NCF4: variants seen among roughly 807,000 people sequenced by gnomAD.
The protein encoded by NCF4 is neutrophil cytosolic factor 4, also known as neutrophil cytosol factor 4.
NCF4 carries 30 observed loss-of-function variants against 41.7 expected under a neutral mutation model. The ratio of observed to expected loss-of-function variants is 0.72; its 90% CI spans 0.54 to 0.97. The LOEUF (loss-of-function observed/expected upper bound fraction) is 0.97. NCF4 is among the 50% of genes least tolerant of loss of function. NCF4 has a pLI of 0.00. For missense variants in NCF4, 432 were observed against 460.9 expected (o/e 0.94, Z 0.57); for synonymous variants, 195 against 175.8 (o/e 1.11, Z -0.87).
At chr22:36,874,335 G>A (rs1269809015) in intron 7 of NCF4, among the ~76,000 whole-genome samples, 1 of 152,208 alleles carries the variant, frequency 6.6e-6, no homozygotes, top group Non-Finnish European at 1.5e-5. Context: ...GTTGAAGGAG[G>A]TTCTGGGACA....
At chr22:36,871,539 T>A (rs1014107681) in intron 5 of NCF4, 113 bp from the exon 6 acceptor site, 1 of 1,209,546 alleles carries the variant, frequency 8.3e-7, no homozygotes, top group African/African-American at 1.5e-5. Context: ...TTCAGCATCT[T>A]CTGTCTCCTC....
rs1029704330 is a variant in NCF4 at position 36,872,265 on chromosome 22, C to T, written c.529-62C>T. 5.5e-6 allele frequency: 7 copies of T among 1,266,460 alleles called. No homozygotes were observed. The Admixed American group carries it at 6.7e-5, about 12-fold the overall frequency. 78.5% of individuals were successfully genotyped at this position (1,266,460 alleles called of 1,614,324 possible). A position where few individuals can be genotyped will look rare whatever the true frequency, so the allele number is the denominator to read the frequency against. On this transcript the variant is annotated intron_variant, in intron 6 of 9. Transcript: ENST00000248899. ...AAATGGGAGACTAAAGTATGTAAGGCACTTCTATAGGAACTCAGTGAGTGT... is the reference window on the plus strand; with the variant it reads ...AAATGGGAGACTAAAGTATGTAAGGTACTTCTATAGGAACTCAGTGAGTGT...
intron 1 of NCF4, among the ~76,000 whole-genome samples, chr22:36,862,694 G>A (rs531229397): frequency 3.5e-4 from 54 of 152,358 alleles, no homozygotes; most frequent in African/African-American, 1.2e-3. Context: ...ATCTGAAAGC[G>A]AGCCTGGATT....
intron 3 of NCF4, among the ~76,000 whole-genome samples, chr22:36,866,796 A>G (rs1165395394): frequency 6.6e-6 from 1 of 152,146 alleles, no homozygotes; most frequent in Admixed American, 6.5e-5. Flanking sequence ...CCTCCAGAAC[A>G]TCTGCCTTGA....
Position 36,865,603 on chromosome 22 carries a change from C to T in NCF4, c.271+531C>T, listed in dbSNP as rs928527443. ...CCCCCTGGCCTCCTGGTCCTTCCTC[C>T]CCAGCTGGATCCTAACGCGCACCTT... On this transcript the variant is annotated intron_variant, in intron 3 of 9. Transcript: ENST00000248899. The surrounding 1 kb of genome is among the most constrained non-coding windows in gnomAD (Gnocchi z 4.3). 6.6e-6 allele frequency among the ~76,000 whole-genome samples: 1 copy of T among 152,092 alleles called. No homozygotes were observed. The highest frequency in any genetic ancestry group is 1.5e-5 in the Non-Finnish European group (1 of 68,002).
chr22:36,861,142 T>C lies in NCF4; in HGVS notation c.-30T>C. 1 of 1,551,352 alleles carries C rather than the reference T, an allele frequency of 6.4e-7. No individual in the cohort carries two copies. The highest frequency in any genetic ancestry group is 8.7e-7 in the Non-Finnish European group (1 of 1,146,804). ...GCCTGGGACTGGCTGGGCGAGACTC[T>C]CCACCTGCTCCCTGGGACCATCGCC... On this transcript the variant is annotated 5_prime_UTR_variant, in exon 1 of 10. Transcript: ENST00000248899.
intron 8 of NCF4, 27 bp downstream of exon 8, chr22:36,875,810 G>C: frequency 1.2e-6 from 2 of 1,614,110 alleles, no homozygotes; most frequent in Non-Finnish European, 1.7e-6. Context: ...GGAGGGGCCT[G>C]TCCAGCCTTC....
At position 36,865,116 on chromosome 22, in the gene NCF4, T is replaced by A; in HGVS notation, c.271+44T>A. 1.2e-6 allele frequency: 2 copies of A among 1,600,532 alleles called. No homozygotes were observed. Among genetic ancestry groups the A allele is most frequent in the Non-Finnish European group, 1.7e-6 (2 of 1,178,832 alleles). On this transcript the variant is annotated intron_variant, in intron 3 of 9. Transcript: ENST00000248899. This position sits in a 1 kb window ranked among gnomAD's most constrained non-coding sequence, Gnocchi z 4.3. ...CCTGCTGCTGCAGAGCTGCTGACTC[T>A]CCTTCCTTCCAGGGCCCCTGACACT...
In NCF4 at chr22:36,876,111, G is replaced by T. The variant is rs1250344858; in HGVS notation, c.824+17G>T. On this transcript the variant is annotated intron_variant, in intron 9 of 9. Coordinates refer to ENST00000248899, the MANE Select transcript of NCF4 (RefSeq NM_000631.5). ...GCTCACAAGGTGAGGGGCTGGGAAT[G>T]GGGCTGGGGAGTTAGATACTCTGGA... 1.3e-6 allele frequency: 2 copies of T among 1,594,000 alleles called. No homozygotes were observed. The highest frequency in any genetic ancestry group is 1.7e-6 in the Non-Finnish European group (2 of 1,168,434).
Position 36,862,266 on chromosome 22 carries a change from G to A in NCF4, c.32+1063G>A, listed in dbSNP as rs35114095. Among the ~76,000 whole-genome samples, 294 of 152,332 alleles carry A rather than the reference G, an allele frequency of 1.9e-3. 2 individuals carry two copies. The highest frequency in any genetic ancestry group is 3.6e-3 in the Non-Finnish European group (243 of 68,022). On this transcript the variant is annotated intron_variant, in intron 1 of 9. Coordinates refer to ENST00000248899, the MANE Select transcript of NCF4 (RefSeq NM_000631.5). ...CCTACGCGGGGAACAGAAGGCCCAT[G>A]TTGGGGCCTGGGGCTGGAAGTAGAA...
At chr22:36,875,982 C>A in intron 8 of NCF4, 47 bp from the exon 9 acceptor site, 1 of 1,613,972 alleles carries the variant, frequency 6.2e-7, no homozygotes. Flanking sequence ...ACCCCACACC[C>A]CACTTCCAGC....
At chr22:36,875,559 CT>C in intron 7 of NCF4, 93 bp from the exon 8 acceptor site, 1 of 1,202,666 alleles carries the variant, frequency 8.3e-7, no homozygotes. Context: ...CCTCATCTGC[CT>C]TTCCCCATCA....
intron 4 of NCF4, among the ~76,000 whole-genome samples, chr22:36,867,897 A>T (rs925176145): frequency 5.3e-5 from 8 of 152,236 alleles, no homozygotes; most frequent in African/African-American, 1.9e-4. Flanking sequence ...CAGGTTGCTC[A>T]TATAGCATCT....
chr22:36,872,283 G>A (rs1022394360), intron 6 of NCF4, 44 bp from the exon 7 acceptor site: 1 of 1,410,306 alleles, frequency 7.1e-7, no homozygotes, highest in Non-Finnish European at 1.0e-6. Flanking sequence ...TAGGAACTCA[G>A]TGAGTGTTCT....
rs372077923 is a variant in NCF4 at position 36,861,631 on chromosome 22, T to C, written c.32+428T>C. ...CAAATGTCACCTCCTCCAAGAAGCCTTCCTGACAGCCCCTACCTCATTGCT... is the reference window on the plus strand; with the variant it reads ...CAAATGTCACCTCCTCCAAGAAGCCCTCCTGACAGCCCCTACCTCATTGCT... On this transcript the variant is annotated intron_variant, in intron 1 of 9. Coordinates refer to ENST00000248899, the MANE Select transcript of NCF4 (RefSeq NM_000631.5). Among the ~76,000 whole-genome samples the C allele has an allele frequency of 9.8e-5, 15 of 152,362 alleles. No individual in the cohort carries two copies. The South Asian group carries it at 3.1e-3, about 32-fold the overall frequency.
At position 36,865,127 on chromosome 22, in the gene NCF4, A is replaced by T; in HGVS notation, c.271+55A>T. On this transcript the variant is annotated intron_variant, in intron 3 of 9. Transcript: ENST00000248899. The surrounding 1 kb of genome is among the most constrained non-coding windows in gnomAD (Gnocchi z 4.3). The stretch of plus-strand genomic sequence containing the variant: ...AGAGCTGCTGACTCTCCTTCCTTCC[A>T]GGGCCCCTGACACTGTTCTGTGATT... The T allele has an allele frequency of 1.9e-6, 3 of 1,594,462 alleles. No individual in the cohort carries two copies. Among genetic ancestry groups the T allele is most frequent in the Non-Finnish European group, 2.6e-6 (3 of 1,175,194 alleles).
chr22:36,865,099 T>A lies in NCF4; in HGVS notation c.271+27T>A. ...TAGGCGGCCACTCCCGTCCTGCTGCTGCAGAGCTGCTGACTCTCCTTCCTT... is the reference window on the plus strand; with the variant it reads ...TAGGCGGCCACTCCCGTCCTGCTGCAGCAGAGCTGCTGACTCTCCTTCCTT... On this transcript the variant is annotated intron_variant, in intron 3 of 9. Transcript: ENST00000248899. This position sits in a 1 kb window ranked among gnomAD's most constrained non-coding sequence, Gnocchi z 4.3. 6.2e-7 allele frequency: 1 copy of A among 1,604,616 alleles called. No homozygotes were observed. Among genetic ancestry groups the A allele is most frequent in the Non-Finnish European group, 8.5e-7 (1 of 1,179,820 alleles).
At chr22:36,869,433 C>A (rs1018997431) in intron 4 of NCF4, among the ~76,000 whole-genome samples, 1 of 152,202 alleles carries the variant, frequency 6.6e-6, no homozygotes, top group South Asian at 2.1e-4. Context: ...GGATTCGATC[C>A]CAGGAGCCCC....
At chr22:36,872,856 G>A (rs111065151) in intron 7 of NCF4, among the ~76,000 whole-genome samples, 121,679 of 140,684 alleles carry the variant, frequency 0.86, 52,651 homozygotes, top group African/African-American at 0.95. Context: ...GTGAGGATGG[G>A]GGTGAGACTG....
Sources: allele counts gnomAD v4.1 joint callset (sites outside exome capture counted in the v4.1 genomes callset), GRCh38; gene constraint gnomAD v4.1.1; non-coding constraint Gnocchi (gnomAD v3.1); transcripts MANE v1.5; gene names NCBI Gene and HGNC (gene_info 2026-07-23, HGNC 2026-07-21).